CDNF: variants seen among roughly 807,000 people sequenced by gnomAD.
The protein encoded by CDNF is ARMET-like protein 1.
Under a neutral mutation model 14.8 loss-of-function variants are expected in CDNF, and 9 were observed. The ratio of observed to expected loss-of-function variants is 0.61; its 90% CI spans 0.37 to 1.06. CDNF has a LOEUF of 1.06. Ranked by LOEUF, CDNF falls within the 50% of genes least tolerant of loss-of-function variation. The pLI, the probability that CDNF is intolerant of heterozygous loss-of-function variation, is 0.01. For synonymous variants in CDNF, 86 were observed against 87.2 expected (o/e 0.99, Z 0.07); for missense variants, 228 against 228.4 (o/e 1.00, Z 0.01).
intron 3 of CDNF, among the ~76,000 whole-genome samples, chr10:14,822,018 G>A (rs1306012350): frequency 6.6e-6 from 1 of 152,206 alleles, no homozygotes; most frequent in Non-Finnish European, 1.5e-5. Flanking sequence ...GCAAACACGT[G>A]AATAAAATTA....
At chr10:14,827,883 C>A (rs889888918) in intron 2 of CDNF, among the ~76,000 whole-genome samples, 2 of 149,386 alleles carry the variant, frequency 1.3e-5, no homozygotes, top group Non-Finnish European at 2.9e-5. Flanking sequence ...CAGAGCAAGA[C>A]TCTGTCTCAG....
At chr10:14,822,493 T>A (rs1833745658) in intron 3 of CDNF, among the ~76,000 whole-genome samples, 1 of 152,028 alleles carries the variant, frequency 6.6e-6, no homozygotes, top group African/African-American at 2.4e-5. Flanking sequence ...GGAGAATCTC[T>A]TGAACCCAGG....
intron 1 of CDNF, 116 bp from the exon 2 acceptor site, chr10:14,828,388 C>T: frequency 2.1e-6 from 2 of 931,380 alleles, no homozygotes; most frequent in Non-Finnish European, 3.2e-6. Flanking sequence ...GTGGCTTACC[C>T]CTGTAATCCT....
intron 1 of CDNF, among the ~76,000 whole-genome samples, chr10:14,830,053 A>G (rs1262302013): frequency 6.6e-6 from 1 of 152,234 alleles, no homozygotes; most frequent in Non-Finnish European, 1.5e-5. Flanking sequence ...GATTGTTTGA[A>G]GCCTGAGATG....
intron 3 of CDNF, 142 bp from the exon 4 acceptor site, chr10:14,820,300 G>T: frequency 1.2e-6 from 1 of 832,570 alleles, no homozygotes; most frequent in Non-Finnish European, 1.8e-6. Context: ...CAGTTTCCAT[G>T]GAAACCAAGA....
rs1168824330 is a variant in CDNF at position 14,828,192 on chromosome 10, C to A, written c.196G>T (p.Glu66Ter). 3 of 1,613,664 alleles carry A rather than the reference C, an allele frequency of 1.9e-6. No homozygotes were observed. Among genetic ancestry groups the A allele is most frequent in the African/African-American group, 1.3e-5 (1 of 75,038 alleles). Residue 66 changes from glutamate to a stop codon, truncating the protein, a stop_gained, in exon 2 of 4, where the codon GAA becomes TAA. Coordinates refer to ENST00000465530, the MANE Select transcript of CDNF (RefSeq NM_001029954.3). LOFTEE classifies it high-confidence loss of function. ...GTGTCCAAGCAAAAACTGATCAATT[C>A]TTTCTCTATAGTGTCCAGCGAAAAG... is the stretch of plus-strand genomic sequence containing the variant. The part of the protein sequence containing the change: ...VNFSLDTIEK[E>*]LISFCLDTKG...
At chr10:14,825,718 G>A (rs764801732) in intron 2 of CDNF, 98 bp from the exon 3 acceptor site, 5 of 1,332,498 alleles carry the variant, frequency 3.8e-6, no homozygotes, top group Non-Finnish European at 5.3e-6. Context: ...AAAGAGGTAG[G>A]CTGGACATGG....
chr10:14,828,145 C>T lies in CDNF; in HGVS notation c.243G>A (p.Leu81=). 4 of 1,613,568 alleles carry T rather than the reference C, an allele frequency of 2.5e-6. No homozygotes were observed. The highest frequency in any genetic ancestry group is 1.1e-5 in the South Asian group (1 of 91,036). Residue 81 remains leucine (L), a splice_region_variant and synonymous_variant, in exon 2 of 4, where the codon CTG becomes CTA. Transcript: ENST00000465530. ...AAATGAAAGGTGAAATTTACTATAC[C>T]AGGCGGTTTTCTTTTCCTTTGGTGT... ...CLDTKGKENR[L]CYYLGATKDA...
chr10:14,824,466 C>T (rs1021791273), intron 3 of CDNF, among the ~76,000 whole-genome samples: 3 of 152,062 alleles, frequency 2.0e-5, no homozygotes, highest in East Asian at 1.9e-4. Flanking sequence ...ATTAGCCAGG[C>T]GTGGTGGTGC....
chr10:14,826,545 A>G (rs1833798734), intron 2 of CDNF, among the ~76,000 whole-genome samples: 1 of 152,182 alleles, frequency 6.6e-6, no homozygotes, highest in Non-Finnish European at 1.5e-5. Context: ...AGAAGAAAGA[A>G]GAAGAGAGGT....
rs558862191 is a variant in CDNF at position 14,828,201 on chromosome 10, T to C, written c.187A>G (p.Ile63Val). 2.5e-6 allele frequency: 4 copies of C among 1,613,434 alleles called. No homozygotes were observed. The highest frequency in any genetic ancestry group is 1.6e-4 in the Middle Eastern group (1 of 6,082). Residue 63 changes from isoleucine (I) to valine (V), a missense_variant, in exon 2 of 4, where the codon ATA (isoleucine) becomes GTA (valine). Physicochemically the swap from Ile to Val is conservative, Grantham distance 29. Coordinates refer to ENST00000465530, the MANE Select transcript of CDNF (RefSeq NM_001029954.3). ...DRGVNFSLDT[I>V]EKELISFCLD... ...CAAAAACTGATCAATTCTTTCTCTA[T>C]AGTGTCCAGCGAAAAGTTAACTCCT...
intron 2 of CDNF, among the ~76,000 whole-genome samples, chr10:14,826,938 G>A (rs1833802694): frequency 6.6e-6 from 1 of 151,582 alleles, no homozygotes; most frequent in South Asian, 2.1e-4. Context: ...AACGTTGGCT[G>A]GGCACAGTGG....
At position 14,829,905 on chromosome 10, in the gene CDNF, C is replaced by T. The variant is rs139087304; in HGVS notation, c.116-1633G>A. Among the ~76,000 whole-genome samples the T allele has an allele frequency of 5.9e-5, 9 of 152,336 alleles. No individual in the cohort carries two copies. The East Asian group carries it at 1.7e-3, about 29-fold the overall frequency. On this transcript the variant is annotated intron_variant, in intron 1 of 3. Coordinates refer to ENST00000465530, the MANE Select transcript of CDNF (RefSeq NM_001029954.3). The stretch of plus-strand genomic sequence containing the variant: ...TCGGCCTCCCAAAGCGCTGGGATTA[C>T]AGCCACTGCATCAGGCCCAGAGTAC...
chr10:14,826,176 C>CAGCAGA (rs146743426), intron 2 of CDNF, among the ~76,000 whole-genome samples: 8 of 131,258 alleles, frequency 6.1e-5, no homozygotes, highest in African/African-American at 2.5e-4. Flanking sequence ...GCAGAAGCAG[C>CAGCAGA]AGCAGAAGCA....
In CDNF at chr10:14,828,370, T is replaced by C. The variant is rs1193273395; in HGVS notation, c.116-98A>G. ...CCACATTTAAAAGTCTATATGGGGCTGGGCATGGTGGCTTACCCCTGTAAT... is the reference window on the plus strand; with the variant it reads ...CCACATTTAAAAGTCTATATGGGGCCGGGCATGGTGGCTTACCCCTGTAAT... On this transcript the variant is annotated intron_variant, in intron 1 of 3. Transcript: ENST00000465530. 7.7e-6 allele frequency: 9 copies of C among 1,174,730 alleles called. No homozygotes were observed. The Admixed American group carries it at 1.8e-4, about 24-fold the overall frequency. 72.8% of individuals were successfully genotyped at this position (1,174,730 alleles called of 1,614,324 possible).
At chr10:14,830,944 C>T (rs1425140877) in intron 1 of CDNF, among the ~76,000 whole-genome samples, 1 of 152,172 alleles carries the variant, frequency 6.6e-6, no homozygotes, top group East Asian at 1.9e-4. Flanking sequence ...ATTATCAGTT[C>T]GAGATGTTTC....
At chr10:14,824,922 G>A (rs191657746) in intron 3 of CDNF, among the ~76,000 whole-genome samples, 1 of 151,890 alleles carries the variant, frequency 6.6e-6, no homozygotes, top group African/African-American at 2.4e-5. Context: ...CTTTGCCTTG[G>A]TGTGTTAGGA....
intron 3 of CDNF, among the ~76,000 whole-genome samples, chr10:14,823,819 G>A (rs184044549): frequency 1.6e-3 from 248 of 152,312 alleles, no homozygotes; most frequent in Non-Finnish European, 2.9e-3. Context: ...GAGCTGCCGC[G>A]CCCGGCCAAG....
At chr10:14,825,750 G>A (rs1833774204) in intron 2 of CDNF, 130 bp from the exon 3 acceptor site, 3 of 965,520 alleles carry the variant, frequency 3.1e-6, no homozygotes, top group Admixed American at 4.4e-5. Flanking sequence ...TGTAATCCCA[G>A]CACTTTGGGA....
Sources: gnomAD v4.1 joint callset for allele counts (sites outside exome capture counted in the v4.1 genomes callset) on GRCh38, gnomAD v4.1.1 for gene constraint, MANE v1.5 for transcripts, NCBI Gene and HGNC (gene_info 2026-07-23, HGNC 2026-07-21) for gene names.